Variants in CEP120 observed in about 807,000 individuals in gnomAD.
CEP120 encodes the protein centrosomal protein of 120 kDa.
A neutral mutation model predicts 126.5 loss-of-function variants in CEP120; 113 were observed. The ratio of observed to expected loss-of-function variants is 0.89; its 90% CI spans 0.77 to 1.04. CEP120 has a LOEUF of 1.04. Ranked by LOEUF, CEP120 falls within the 50% of genes least tolerant of loss-of-function variation. The pLI is 0.00. For synonymous variants in CEP120, 400 were observed against 394.3 expected (o/e 1.01, Z -0.17); for missense variants, 1,230 against 1,155.7 (o/e 1.06, Z -0.93).
At chr5:123,366,966 T>C (rs1250132338) in intron 17 of CEP120, among the ~76,000 whole-genome samples, 1 of 151,824 alleles carries the variant, frequency 6.6e-6, no homozygotes, top group East Asian at 1.9e-4. Flanking sequence ...TTCTTTTTCC[T>C]CTGCTTACCT....
At chr5:123,401,432 T>A in intron 4 of CEP120, 1 of 1,361,240 alleles carries the variant, frequency 7.3e-7, no homozygotes, top group Non-Finnish European at 1.1e-6. Flanking sequence ...GATCTTAGTC[T>A]TTGTGCACCG....
rs752975504 is a variant in CEP120 at position 123,385,032 on chromosome 5, T to C, written c.1682A>G (p.Lys561Arg). The C allele has an allele frequency of 1.9e-5, 31 of 1,613,772 alleles. 1 individual carries two copies. In the South Asian group the frequency reaches 3.3e-4, roughly 17 times the overall value. The change falls in exon 11 of 20, where the codon AAA becomes AGA. Residue 561 changes from lysine (K) to arginine (R), a missense_variant. Lys to Arg is a conservative substitution (Grantham distance 26). Transcript: ENST00000306467. ...ACCATTAGAACCTAAAAAACGAGTT[T>C]TTTCTGAAGACAAGATGTTAGAAAG... is the stretch of plus-strand genomic sequence containing the variant. ...IQLSNILSSE[K>R]TRFLGSNGEQ...
In CEP120 at chr5:123,345,496, C is replaced by G. The variant is rs1768748196; in HGVS notation, c.*1023G>C. On this transcript the variant is annotated 3_prime_UTR_variant, in exon 20 of 20. Transcript: ENST00000306467. ...AAATTCAACCTAATCTGTGACTTTG[C>G]TAAAACTTTTTCAGTACTCAGTAAA... 1 of 152,048 alleles carries G rather than the reference C, an allele frequency of 6.6e-6. No homozygotes were observed. Among genetic ancestry groups the G allele is most frequent in the Non-Finnish European group, 1.5e-5 (1 of 67,990 alleles). The allele number at this position is 152,048 out of a possible 1,614,324, so 9.4% of individuals were successfully genotyped here.
Position 123,356,212 on chromosome 5 carries a change from C to T in CEP120, c.2581-6123G>A, listed in dbSNP as rs1416004462. 3.9e-5 allele frequency among the ~76,000 whole-genome samples: 6 copies of T among 152,154 alleles called. No homozygotes were observed. In the East Asian group the frequency reaches 1.2e-3, roughly 29 times the overall value. The stretch of plus-strand genomic sequence containing the variant: ...TGTAGTATAGTTTGAAGTCAGGTAG[C>T]ATGATGCCTCCAGCTTTGTTCTTTT... On this transcript the variant is annotated intron_variant, in intron 18 of 19. Coordinates refer to ENST00000306467, the MANE Select transcript of CEP120 (RefSeq NM_001375405.1).
chr5:123,388,472 G>A lies in CEP120; in HGVS notation c.1390C>T (p.His464Tyr), dbSNP rs749782429. 4 of 1,593,796 alleles carry A rather than the reference G, an allele frequency of 2.5e-6. No homozygotes were observed. The highest frequency in any genetic ancestry group is 2.3e-5 in the East Asian group (1 of 44,010). The change falls in exon 9 of 20, where the codon CAT becomes TAT. Residue 464 changes from histidine (H) to tyrosine (Y), a missense_variant. By Grantham distance (83) the His-to-Tyr change is moderately conservative. Coordinates refer to ENST00000306467, the MANE Select transcript of CEP120 (RefSeq NM_001375405.1). Reference protein sequence around the residue: ...FCFSIDLRSIHALEIGFPINC... With the variant: ...FCFSIDLRSIYALEIGFPINC... ...ATTGGAAAACCAATCTCCAAGGCAT[G>A]TATACTCCTTAAGTCTATTGAAAAG...
At chr5:123,404,417 G>A (rs1018151845) in intron 4 of CEP120, among the ~76,000 whole-genome samples, 2 of 152,138 alleles carry the variant, frequency 1.3e-5, no homozygotes, top group Admixed American at 1.3e-4. Context: ...TGATATTTGG[G>A]TCCAAAGGCC....
At chr5:123,386,472 A>G (rs958172829) in intron 10 of CEP120, 46 bp downstream of exon 10, 9 of 1,281,208 alleles carry the variant, frequency 7.0e-6, no homozygotes, top group Non-Finnish European at 9.2e-6. Context: ...AATTTTCAAG[A>G]ATTGACTTAA....
At chr5:123,410,792 C>T (rs1272187256) in intron 4 of CEP120, among the ~76,000 whole-genome samples, 2 of 152,120 alleles carry the variant, frequency 1.3e-5, no homozygotes, top group Non-Finnish European at 2.9e-5. Context: ...TTTTCAGATA[C>T]AACTACAAAG....
intron 4 of CEP120, chr5:123,401,223 T>A (rs1458276775): frequency 6.5e-5 from 105 of 1,612,572 alleles, no homozygotes; most frequent in Non-Finnish European, 8.2e-5. Context: ...CAGCTCCTGG[T>A]ACTCACGCAG....
At chr5:123,389,394 G>A (rs146857125) in intron 8 of CEP120, among the ~76,000 whole-genome samples, 2 of 152,174 alleles carry the variant, frequency 1.3e-5, no homozygotes, top group Non-Finnish European at 2.9e-5. Flanking sequence ...GATATTTCCA[G>A]TGTACAAGTA....
intron 9 of CEP120, among the ~76,000 whole-genome samples, chr5:123,387,404 C>T (rs772001669): frequency 6.6e-6 from 1 of 151,958 alleles, no homozygotes; most frequent in Admixed American, 6.6e-5. Flanking sequence ...CTATGCTTAC[C>T]ACCACACTAC....
Position 123,350,405 on chromosome 5 carries a change from T to C in CEP120, c.2581-316A>G, listed in dbSNP as rs79413938. Among the ~76,000 whole-genome samples, 32,599 of 152,100 alleles carry C rather than the reference T, an allele frequency of 0.21. 3,772 individuals carry two copies. The highest frequency in any genetic ancestry group is 0.26 in the Middle Eastern group (77 of 294). ...CTTGCACTGCTAATTTTATGAGTTA[T>C]ATATTAACCAGAAATACCCAGCTAG... On this transcript the variant is annotated intron_variant, in intron 18 of 19. Coordinates refer to ENST00000306467, the MANE Select transcript of CEP120 (RefSeq NM_001375405.1).
At chr5:123,392,239 G>T (rs1364559660) in intron 6 of CEP120, among the ~76,000 whole-genome samples, 6 of 152,102 alleles carry the variant, frequency 3.9e-5, no homozygotes, top group African/African-American at 1.4e-4. Flanking sequence ...CTTTTGGTAA[G>T]GACTGATATG....
intron 17 of CEP120, among the ~76,000 whole-genome samples, chr5:123,371,332 G>C (rs1431624476): frequency 6.6e-5 from 10 of 152,052 alleles, no homozygotes; most frequent in African/African-American, 2.4e-4. Context: ...GGAGGAGCAA[G>C]TCACATTTTA....
At chr5:123,358,210 A>T (rs891155495) in intron 18 of CEP120, 1 of 152,138 alleles carries the variant, frequency 6.6e-6, no homozygotes, top group South Asian at 2.1e-4. Context: ...TTATGACAAA[A>T]AGCAAAGGAA....
chr5:123,410,017 AG>A (rs1773945405), intron 4 of CEP120, among the ~76,000 whole-genome samples: 3 of 124,606 alleles, frequency 2.4e-5, no homozygotes, highest in South Asian at 5.5e-4. Context: ...CACACACACA[AG>A]TGATTATAGC....
At chr5:123,380,913 G>A (rs1771594146) in intron 14 of CEP120, among the ~76,000 whole-genome samples, 2 of 152,024 alleles carry the variant, frequency 1.3e-5, no homozygotes, top group Admixed American at 1.3e-4. Context: ...TCTAATTATT[G>A]TAATTTTGGT....
chr5:123,421,722 G>A (rs935120709), intron 1 of CEP120, among the ~76,000 whole-genome samples: 7 of 152,030 alleles, frequency 4.6e-5, no homozygotes, highest in Non-Finnish European at 4.4e-5. Flanking sequence ...AGGGAATGGA[G>A]GTATTTGTTT....
chr5:123,404,820 T>A (rs1364199956), intron 4 of CEP120, among the ~76,000 whole-genome samples: 2 of 152,256 alleles, frequency 1.3e-5, no homozygotes, highest in Admixed American at 1.3e-4. Flanking sequence ...ATCAATTGTA[T>A]GATTTCAATT....
Sources: allele counts gnomAD v4.1 joint callset (sites outside exome capture counted in the v4.1 genomes callset), GRCh38; gene constraint gnomAD v4.1.1; transcripts MANE v1.5; gene names NCBI Gene and HGNC (gene_info 2026-07-23, HGNC 2026-07-21).